Variants in EFL1 observed in about 807,000 individuals in gnomAD.
The protein encoded by EFL1 is elongation factor like GTPase 1.
In EFL1, 76 loss-of-function variants were observed where a neutral mutation model predicts 126.7. The ratio of observed to expected loss-of-function variants is 0.60; its 90% confidence interval spans 0.50 to 0.73. EFL1 has a LOEUF of 0.73. EFL1 is among the 30% of genes least tolerant of loss of function. EFL1 has a pLI of 0.00. For synonymous variants in EFL1, 410 were observed against 448.4 expected (o/e 0.91, Z 1.08); for missense variants, 1,128 against 1,343.2 (o/e 0.84, Z 2.50).
At chr15:82,194,047 A>C (rs1169874275) in intron 15 of EFL1, among the ~76,000 whole-genome samples, 2 of 152,142 alleles carry the variant, frequency 1.3e-5, no homozygotes, top group African/African-American at 4.8e-5. Context: ...ATCTTAGAGA[A>C]AGAACTTTAA....
intron 7 of EFL1, among the ~76,000 whole-genome samples, chr15:82,238,052 A>T (rs2074892533): frequency 6.6e-6 from 1 of 152,138 alleles, no homozygotes; most frequent in Non-Finnish European, 1.5e-5. Flanking sequence ...AACGTGAAGG[A>T]GCCTTGTGGT....
chr15:82,259,634 A>G (rs1023044353), intron 2 of EFL1, among the ~76,000 whole-genome samples: 10 of 152,244 alleles, frequency 6.6e-5, no homozygotes, highest in African/African-American at 2.4e-4. Context: ...CTTTAAAGCA[A>G]AAGAATCTTC....
chr15:82,144,163 G>A (rs4778665), intron 18 of EFL1, among the ~76,000 whole-genome samples: 23,649 of 151,742 alleles, frequency 0.16, 2,359 homozygotes, highest in Non-Finnish European at 0.24. Flanking sequence ...GAGGTGGGAG[G>A]AGCGCTTTGA....
chr15:82,141,283 ATTAT>A (rs1220175317), intron 18 of EFL1, among the ~76,000 whole-genome samples: 2 of 152,186 alleles, frequency 1.3e-5, no homozygotes, highest in Non-Finnish European at 2.9e-5. Context: ...TTAGTTATAT[ATTAT>A]TTGTCTGAGA....
rs1595935710 is a variant in EFL1 at position 82,138,810 on chromosome 15, C to T, written c.3022G>A (p.Gly1008Ser). Reference sequence around the variant, plus strand: ...TTCATTTCTTCTTGAAGTACCCGACCTTCTCTCTTTGACAAGACAGCATAG... The same window carrying T: ...TTCATTTCTTCTTGAAGTACCCGACTTTCTCTCTTTGACAAGACAGCATAG... Reference protein sequence around the residue: ...RVYAVLSKREGRVLQEEMKEG... With the variant: ...RVYAVLSKRESRVLQEEMKEG... Residue 1008 changes from glycine to serine, a missense_variant, in exon 19 of 20, where the codon GGT becomes AGT. By Grantham distance (56) the Gly-to-Ser change is moderately conservative. Transcript: ENST00000268206. 1 of 1,613,752 alleles carries T rather than the reference C, an allele frequency of 6.2e-7. No homozygotes were observed. The highest frequency in any genetic ancestry group is 8.5e-7 in the Non-Finnish European group (1 of 1,179,818).
rs183799718 is a variant in EFL1, at chr15:82,227,404, G to A, written c.1192+46C>T. 4,155 of 1,613,600 alleles carry A rather than the reference G, an allele frequency of 2.6e-3. 5 individuals carry two copies. The highest frequency in any genetic ancestry group is 2.7e-3 in the Non-Finnish European group (3,243 of 1,179,744). Reference sequence around the variant, plus strand: ...CTGGTCTAGAGCAGCCTGGATGGAGGACAGTCAATGACATGGTATATTCCA... The same window carrying A: ...CTGGTCTAGAGCAGCCTGGATGGAGAACAGTCAATGACATGGTATATTCCA... On this transcript the variant is annotated intron_variant, in intron 11 of 19. Transcript: ENST00000268206.
chr15:82,257,771 T>C (rs1262270763), intron 3 of EFL1, among the ~76,000 whole-genome samples: 2 of 152,218 alleles, frequency 1.3e-5, no homozygotes, highest in African/African-American at 4.8e-5. Context: ...TAGTTTACAT[T>C]AGGGTTCACT....
chr15:82,177,274 A>G (rs1189006681), intron 15 of EFL1, among the ~76,000 whole-genome samples: 1 of 152,204 alleles, frequency 6.6e-6, no homozygotes, highest in East Asian at 1.9e-4. Flanking sequence ...TGGGTATTTT[A>G]AGTGTTTCTG....
At chr15:82,183,198 A>T (rs767482391) in intron 15 of EFL1, among the ~76,000 whole-genome samples, 28 of 152,234 alleles carry the variant, frequency 1.8e-4, no homozygotes, top group Non-Finnish European at 3.8e-4. Context: ...TCTCAAATGT[A>T]GGGAGAAAGA....
At chr15:82,251,507 A>G (rs1004935510) in intron 4 of EFL1, among the ~76,000 whole-genome samples, 1 of 152,202 alleles carries the variant, frequency 6.6e-6, no homozygotes, top group Non-Finnish European at 1.5e-5. Flanking sequence ...AAAACAGACT[A>G]ATAATCTGAG....
At chr15:82,179,067 C>T (rs2074222685) in intron 15 of EFL1, among the ~76,000 whole-genome samples, 1 of 152,108 alleles carries the variant, frequency 6.6e-6, no homozygotes, top group South Asian at 2.1e-4. Flanking sequence ...TTACTTGAGC[C>T]CAGAAGTTCG....
At chr15:82,250,857 C>T (rs2075014355) in intron 4 of EFL1, among the ~76,000 whole-genome samples, 1 of 152,148 alleles carries the variant, frequency 6.6e-6, no homozygotes, top group Non-Finnish European at 1.5e-5. Flanking sequence ...CACACATATG[C>T]TTTCAATAAT....
Position 82,261,812 on chromosome 15 carries a change from T to A in EFL1, c.-19-15A>T. 1 of 1,598,728 alleles carries A rather than the reference T, an allele frequency of 6.3e-7. No individual in the cohort carries two copies. The highest frequency in any genetic ancestry group is 8.6e-7 in the Non-Finnish European group (1 of 1,168,872). On this transcript the variant is annotated splice_polypyrimidine_tract_variant and intron_variant, in intron 1 of 19. Transcript: ENST00000268206. ...ATTTCCTGTGACTAAAAATTAAATA[T>A]GTATTACAAATGGCCCAGAGGCTAA...
intron 15 of EFL1, among the ~76,000 whole-genome samples, chr15:82,208,993 A>C (rs940696652): frequency 1.3e-5 from 2 of 152,152 alleles, no homozygotes; most frequent in Non-Finnish European, 2.9e-5. Flanking sequence ...AACTACTAGG[A>C]AAAAAGAGAA....
At chr15:82,248,300 C>A (rs952800860) in intron 4 of EFL1, among the ~76,000 whole-genome samples, 5 of 152,060 alleles carry the variant, frequency 3.3e-5, no homozygotes, top group African/African-American at 1.2e-4. Context: ...GAACTCTTCC[C>A]TCCCAGCCTC....
chr15:82,202,937 G>A (rs138621956), intron 15 of EFL1, among the ~76,000 whole-genome samples: 2,733 of 151,458 alleles, frequency 0.018, 29 homozygotes, highest in Non-Finnish European at 0.026. Flanking sequence ...TCAGCCTCCC[G>A]AGTAGCTGGG....
chr15:82,147,400 C>T (rs1364243890), intron 18 of EFL1, among the ~76,000 whole-genome samples: 4 of 152,010 alleles, frequency 2.6e-5, no homozygotes, highest in South Asian at 4.2e-4. Flanking sequence ...GAGGCCGAGG[C>T]GGGCGGATCA....
intron 15 of EFL1, among the ~76,000 whole-genome samples, chr15:82,176,100 A>G (rs1041634324): frequency 6.6e-6 from 1 of 152,200 alleles, no homozygotes; most frequent in African/African-American, 2.4e-5. Context: ...TACAGTGGGG[A>G]TGTGATAATG....
rs1181044034 is a variant in EFL1, at chr15:82,163,846, ATC to A, written c.1882+5_1882+6del. The A allele has an allele frequency of 6.2e-7, 1 of 1,613,302 alleles. No individual in the cohort carries two copies. The highest frequency in any genetic ancestry group is 8.5e-7 in the Non-Finnish European group (1 of 1,179,776). ...AACATATGCTTTTAAAAATAAGGTC[ATC>A]TTACTTGGATGTTTTGGTTCAACAG... On this transcript the variant is annotated splice_donor_5th_base_variant and intron_variant, in intron 16 of 19. Coordinates refer to ENST00000268206, the MANE Select transcript of EFL1 (RefSeq NM_024580.6).
Sources: allele counts gnomAD v4.1 joint callset (sites outside exome capture counted in the v4.1 genomes callset), GRCh38; gene constraint gnomAD v4.1.1; transcripts MANE v1.5; gene names NCBI Gene and HGNC (gene_info 2026-07-23, HGNC 2026-07-21).